EYS: variants seen among roughly 807,000 people sequenced by gnomAD.
EYS encodes protein eyes shut homolog.
EYS carries 250 observed loss-of-function variants against 282.1 expected under a neutral mutation model. The observed-to-expected ratio is 0.89, with a 90% CI of 0.80 to 0.98. The LOEUF (loss-of-function observed/expected upper bound fraction) is 0.98, where lower values mean the gene tolerates loss of function less well. EYS is among the 50% of genes least tolerant of loss of function. The probability of loss-of-function intolerance (pLI) is 0.00; values close to 1 mark genes in which losing one functional copy is unlikely to be tolerated. For missense variants in EYS, 4,016 were observed against 3,709.0 expected (o/e 1.08, Z -2.15); for synonymous variants, 1,355 against 1,282.9 (o/e 1.06, Z -1.20).
Position 64,417,723 on chromosome 6 carries a change from C to T in EYS, c.5927+18451G>A, listed in dbSNP as rs182014695. 2.6e-3 allele frequency among the ~76,000 whole-genome samples: 352 copies of T among 135,380 alleles called. 2 individuals are homozygous for T. Among genetic ancestry groups the T allele is most frequent in the African/African-American group, 9.4e-3 (334 of 35,460 alleles). The allele number at this position is 135,380 out of a possible 152,430, so 88.8% of individuals were successfully genotyped here. ...TCTCACTGTGTTGCCCAGGCTGGAG[C>T]GCAGTGGCACAATCTTGGCTCACTG... On this transcript the variant is annotated intron_variant, in intron 28 of 42. Transcript: ENST00000503581.
chr6:65,258,463 A>G (rs775079639), intron 12 of EYS, among the ~76,000 whole-genome samples: 6 of 152,034 alleles, frequency 3.9e-5, no homozygotes, highest in African/African-American at 1.2e-4. Flanking sequence ...TGTATATTCT[A>G]TCGTGCATGG....
intron 1 of EYS, among the ~76,000 whole-genome samples, chr6:65,650,210 C>T (rs924983037): frequency 6.6e-6 from 1 of 152,066 alleles, no homozygotes; most frequent in South Asian, 2.1e-4. Context: ...GTATCTATAC[C>T]ATATAATACT....
intron 29 of EYS, among the ~76,000 whole-genome samples, chr6:64,323,709 CA>C (rs1770301613): frequency 6.6e-6 from 1 of 152,158 alleles, no homozygotes; most frequent in South Asian, 2.1e-4. Context: ...TAATTGAAAA[CA>C]TCCTAAATGT....
Position 65,344,050 on chromosome 6 carries a change from T to C in EYS, c.1587A>G (p.Glu529=). The C allele has an allele frequency of 6.2e-7, 1 of 1,610,530 alleles. No individual in the cohort carries two copies. Reference sequence around the variant, plus strand: ...AAAATTACCTTACCTCTTTTGTGCCTTCATGTGGGAACCAACATGAAGAAT... The same window carrying C: ...AAAATTACCTTACCTCTTTTGTGCCCTCATGTGGGAACCAACATGAAGAAT... ...DNNSSCWFPH[E]GTKEICANGC... The change falls in exon 10 of 43, where the codon GAA becomes GAG. Residue 529 remains glutamate (E), a synonymous_variant. Transcript: ENST00000503581.
chr6:65,344,755 A>C (rs1184812471), intron 9 of EYS, among the ~76,000 whole-genome samples: 1 of 151,576 alleles, frequency 6.6e-6, no homozygotes, highest in African/African-American at 2.4e-5. Context: ...AAACCAAACA[A>C]AAAAATGGTA....
intron 35 of EYS, among the ~76,000 whole-genome samples, chr6:63,939,322 A>C (rs1206654369): frequency 2.0e-5 from 3 of 152,186 alleles, no homozygotes; most frequent in Non-Finnish European, 4.4e-5. Flanking sequence ...GACGCAGGAA[A>C]GTCCCCACCC....
intron 2 of EYS, among the ~76,000 whole-genome samples, chr6:65,628,079 T>C (rs1766781162): frequency 2.0e-5 from 3 of 152,080 alleles, no homozygotes; most frequent in Admixed American, 2.0e-4. Flanking sequence ...GCACCGTGTG[T>C]CTAGCTCAAG....
At chr6:65,197,398 T>C (rs1029884677) in intron 12 of EYS, among the ~76,000 whole-genome samples, 10 of 152,068 alleles carry the variant, frequency 6.6e-5, no homozygotes, top group African/African-American at 1.9e-4. Flanking sequence ...GGAAAGCCCA[T>C]TAAAAAAGGG....
chr6:63,915,962 C>G (rs1764413203), intron 35 of EYS, among the ~76,000 whole-genome samples: 1 of 152,132 alleles, frequency 6.6e-6, no homozygotes, highest in East Asian at 1.9e-4. Context: ...ACTGAAATGA[C>G]AACAAAGGAT....
intron 12 of EYS, among the ~76,000 whole-genome samples, chr6:65,092,318 G>T (rs977751972): frequency 1.3e-5 from 2 of 152,120 alleles, no homozygotes; most frequent in African/African-American, 4.8e-5. Flanking sequence ...GAAATTCTCA[G>T]AAAGTTAGAA....
At position 64,324,336 on chromosome 6, in the gene EYS, A is replaced by G. The variant is rs551013216; in HGVS notation, c.6079-17254T>C. ...TGCAAAGTTGGTTCAACATATGCAA[A>G]TCAATAAATGTGATTCACTGCATAA... On this transcript the variant is annotated intron_variant, in intron 29 of 42. Transcript: ENST00000503581. Among the ~76,000 whole-genome samples the G allele has an allele frequency of 9.8e-5, 15 of 152,326 alleles. No individual in the cohort carries two copies. The East Asian group carries it at 2.7e-3, about 27-fold the overall frequency.
intron 12 of EYS, among the ~76,000 whole-genome samples, chr6:65,174,958 A>G (rs1765191657): frequency 1.3e-5 from 2 of 151,280 alleles, no homozygotes; most frequent in Non-Finnish European, 3.0e-5. Flanking sequence ...TTTTTTGTTC[A>G]TGGATACAGA....
chr6:63,897,886 G>T (rs321506), intron 35 of EYS, among the ~76,000 whole-genome samples: 135,044 of 152,126 alleles, frequency 0.89, 60,421 homozygotes, highest in Non-Finnish European at 0.94. Context: ...AGCCAGCAGA[G>T]ATTGTAAAGC....
In EYS at chr6:64,553,555, C is replaced by A. The variant is rs796906820; in HGVS notation, c.5644+36668G>T. The stretch of plus-strand genomic sequence containing the variant: ...TGTGACTTTTGTTTGACCCCCCCCC[C>A]CCCATAGGCAGTTACAAGGCAAATG... On this transcript the variant is annotated intron_variant, in intron 26 of 42. Coordinates refer to ENST00000503581, the MANE Select transcript of EYS (RefSeq NM_001142800.2). Among the ~76,000 whole-genome samples the A allele has an allele frequency of 7.2e-5, 10 of 137,934 alleles. 1 individual carries two copies. Among genetic ancestry groups the A allele is most frequent in the Non-Finnish European group, 1.4e-4 (9 of 63,310 alleles). 90.5% of individuals were successfully genotyped at this position (137,934 alleles called of 152,430 possible). A position where few individuals can be genotyped will look rare whatever the true frequency, so the allele number is the denominator to read the frequency against.
At chr6:64,055,580 A>T (rs1158735873) in intron 33 of EYS, among the ~76,000 whole-genome samples, 2 of 152,076 alleles carry the variant, frequency 1.3e-5, no homozygotes, top group Non-Finnish European at 2.9e-5. Flanking sequence ...CTTTTGTTCT[A>T]TACCCAGGTA....
intron 1 of EYS, among the ~76,000 whole-genome samples, chr6:65,676,274 C>A (rs1173871610): frequency 1.3e-5 from 2 of 151,374 alleles, no homozygotes; most frequent in Non-Finnish European, 3.0e-5. Context: ...TTTTAAAAAT[C>A]AACAAAAATA....
At chr6:63,871,487 C>T (rs181927988) in intron 35 of EYS, among the ~76,000 whole-genome samples, 20 of 151,954 alleles carry the variant, frequency 1.3e-4, no homozygotes, top group African/African-American at 4.8e-4. Context: ...ATGGTGAAAC[C>T]CCATCTCTAC....
chr6:64,727,197 A>G (rs1489795424), intron 22 of EYS, among the ~76,000 whole-genome samples: 1 of 152,232 alleles, frequency 6.6e-6, no homozygotes, highest in African/African-American at 2.4e-5. Flanking sequence ...GAAGCCACTC[A>G]TAAGACTGAG....
At chr6:65,533,113 C>G (rs968672974) in intron 2 of EYS, among the ~76,000 whole-genome samples, 1 of 151,712 alleles carries the variant, frequency 6.6e-6, no homozygotes, top group Non-Finnish European at 1.5e-5. Context: ...TAATTTATTG[C>G]CATATTAAAT....
Sources: gnomAD v4.1 joint callset for allele counts (sites outside exome capture counted in the v4.1 genomes callset) on GRCh38, gnomAD v4.1.1 for gene constraint, MANE v1.5 for transcripts, NCBI Gene and HGNC (gene_info 2026-07-23, HGNC 2026-07-21) for gene names.